Variants in STK38 observed in about 807,000 individuals in gnomAD.
STK38 encodes serine/threonine kinase 38.
Under a neutral mutation model 59.0 loss-of-function variants are expected in STK38, and 26 were observed. The observed-to-expected ratio is 0.44, with a 90% CI of 0.32 to 0.61. The LOEUF (loss-of-function observed/expected upper bound fraction) is 0.61, where lower values mean the gene tolerates loss of function less well. Among genes scored for constraint, STK38 ranks in the 20% least tolerant of loss-of-function variants. The pLI, the probability that STK38 is intolerant of heterozygous loss-of-function variation, is 0.04. For synonymous variants in STK38, 175 were observed against 176.6 expected (o/e 0.99, Z 0.07); for missense variants, 433 against 566.0 (o/e 0.76, Z 2.38).
At chr6:36,545,605 A>T (rs1372286175) in intron 1 of STK38, among the ~76,000 whole-genome samples, 2 of 152,182 alleles carry the variant, frequency 1.3e-5, no homozygotes, top group African/African-American at 2.4e-5. Context: ...AATATCCTTT[A>T]ATCAAAAGAT....
intron 9 of STK38, among the ~76,000 whole-genome samples, chr6:36,505,983 T>C (rs968083818): frequency 6.6e-6 from 1 of 152,196 alleles, no homozygotes; most frequent in Non-Finnish European, 1.5e-5. Context: ...ACTTCCAACA[T>C]ACTATCAAGG....
intron 8 of STK38, among the ~76,000 whole-genome samples, chr6:36,507,091 CTACA>C (rs1400599461): frequency 6.6e-6 from 1 of 152,164 alleles, no homozygotes; most frequent in Admixed American, 6.5e-5. Context: ...TGAAATTTTA[CTACA>C]TAGTTGTCAA....
At chr6:36,507,095 A>G (rs1258143732) in intron 8 of STK38, among the ~76,000 whole-genome samples, 1 of 152,258 alleles carries the variant, frequency 6.6e-6, no homozygotes, top group African/African-American at 2.4e-5. Flanking sequence ...ATTTTACTAC[A>G]TAGTTGTCAA....
chr6:36,543,807 A>G (rs1231600613), intron 1 of STK38, among the ~76,000 whole-genome samples: 1 of 152,004 alleles, frequency 6.6e-6, no homozygotes, highest in Non-Finnish European at 1.5e-5. Flanking sequence ...ACCCCCAGCT[A>G]GTTTTTAGTA....
At chr6:36,515,257 G>T in intron 7 of STK38, 81 bp downstream of exon 7, 2 of 1,491,064 alleles carry the variant, frequency 1.3e-6, no homozygotes, top group South Asian at 1.4e-5. Flanking sequence ...CCACTGGGAT[G>T]ACCACAGGGG....
intron 9 of STK38, among the ~76,000 whole-genome samples, chr6:36,502,768 G>A (rs1776871157): frequency 2.0e-5 from 3 of 152,030 alleles, no homozygotes; most frequent in African/African-American, 7.2e-5. Flanking sequence ...GCTGAATTTC[G>A]TGTTTTGTCA....
intron 2 of STK38, 113 bp downstream of exon 2, chr6:36,539,959 G>A (rs1044711829): frequency 6.7e-7 from 1 of 1,503,308 alleles, no homozygotes. Flanking sequence ...CATTATGATA[G>A]TCTATAATAA....
intron 4 of STK38, among the ~76,000 whole-genome samples, chr6:36,523,401 T>C (rs1777431176): frequency 6.6e-6 from 1 of 151,938 alleles, no homozygotes; most frequent in Admixed American, 6.6e-5. Context: ...TAGCTGGGAT[T>C]ACAGGCACGT....
intron 1 of STK38, among the ~76,000 whole-genome samples, chr6:36,542,329 A>C (rs1777958004): frequency 6.6e-6 from 1 of 152,222 alleles, no homozygotes; most frequent in African/African-American, 2.4e-5. Context: ...TTAAGTCTTA[A>C]AATAAAGGGA....
At position 36,518,705 on chromosome 6, in the gene STK38, G is replaced by A. The variant is rs991863129; in HGVS notation, c.391-865C>T. On this transcript the variant is annotated intron_variant, in intron 5 of 13. Coordinates refer to ENST00000229812, the MANE Select transcript of STK38 (RefSeq NM_007271.4). The stretch of plus-strand genomic sequence containing the variant: ...CCTAAGTAGCTAGGATTATAGGTGT[G>A]TGCCACCATGCCTGGCCCCTCCCCT... 4.6e-5 allele frequency among the ~76,000 whole-genome samples: 7 copies of A among 152,238 alleles called. No individual in the cohort carries two copies. The East Asian group carries it at 1.4e-3, about 29-fold the overall frequency.
At chr6:36,530,430 T>C (rs1268736108) in intron 2 of STK38, among the ~76,000 whole-genome samples, 1 of 148,366 alleles carries the variant, frequency 6.7e-6, no homozygotes, top group African/African-American at 2.5e-5. Context: ...AGTGGTACTA[T>C]CTCGGCTCAC....
chr6:36,541,893 A>G (rs935874710), intron 1 of STK38, among the ~76,000 whole-genome samples: 2 of 150,284 alleles, frequency 1.3e-5, no homozygotes, highest in Non-Finnish European at 2.9e-5. Flanking sequence ...CAATGATTCA[A>G]TCTCAGCTCA....
At chr6:36,540,554 G>A (rs1188164046) in intron 1 of STK38, among the ~76,000 whole-genome samples, 2 of 152,192 alleles carry the variant, frequency 1.3e-5, no homozygotes, top group East Asian at 1.9e-4. Flanking sequence ...AGCTGTGGCT[G>A]CATAGGAAAT....
intron 12 of STK38, 110 bp from the exon 13 acceptor site, chr6:36,496,915 C>T (rs1776718715): frequency 4.4e-6 from 3 of 688,866 alleles, no homozygotes; most frequent in Non-Finnish European, 7.0e-6. Context: ...AGACTCTTCA[C>T]TGGCAGGCAG....
chr6:36,500,213 G>C (rs1294421992), intron 9 of STK38, among the ~76,000 whole-genome samples: 1 of 151,938 alleles, frequency 6.6e-6, no homozygotes, highest in Non-Finnish European at 1.5e-5. Context: ...TGAGTCACTA[G>C]GGCGAAGGCA....
intron 2 of STK38, among the ~76,000 whole-genome samples, chr6:36,536,023 A>G (rs1777782405): frequency 6.6e-6 from 1 of 152,192 alleles, no homozygotes; most frequent in Admixed American, 6.6e-5. Context: ...GGACTTACAC[A>G]TTACCTGACT....
In STK38 at chr6:36,536,569, C is replaced by T. The variant is rs142579534; in HGVS notation, c.131+3503G>A. 4.2e-3 allele frequency among the ~76,000 whole-genome samples: 632 copies of T among 152,024 alleles called. 4 individuals carry two copies. Among genetic ancestry groups the T allele is most frequent in the Middle Eastern group, 0.017 (5 of 294 alleles). On this transcript the variant is annotated intron_variant, in intron 2 of 13. Transcript: ENST00000229812. The stretch of plus-strand genomic sequence containing the variant: ...TTTTTTTGAGACTGAGTTTCGCTCT[C>T]GTTGCCCAGGCTGGAGTTCAGTGGT...
intron 7 of STK38, among the ~76,000 whole-genome samples, chr6:36,513,922 A>G (rs867007339): frequency 7.7e-4 from 116 of 150,488 alleles, no homozygotes; most frequent in African/African-American, 2.4e-3. Context: ...TTGGGAGGCC[A>G]AGGCGGGCAG....
chr6:36,509,865 G>T (rs368807500), intron 7 of STK38, among the ~76,000 whole-genome samples: 2 of 152,278 alleles, frequency 1.3e-5, no homozygotes, highest in East Asian at 1.9e-4. Context: ...TAGCCCTTAG[G>T]AGACCCGGAG....
Sources: allele counts gnomAD v4.1 joint callset (sites outside exome capture counted in the v4.1 genomes callset), GRCh38; gene constraint gnomAD v4.1.1; transcripts MANE v1.5; gene names NCBI Gene and HGNC (gene_info 2026-07-23, HGNC 2026-07-21).